The following ARHGAP15 variants were observed in gnomAD, a reference collection of about 807,000 sequenced individuals.
The protein encoded by ARHGAP15 is Rho GTPase activating protein 15, also known as rho GTPase-activating protein 15.
ARHGAP15 carries 51 observed loss-of-function variants against 63.7 expected under a neutral mutation model. That is an observed-to-expected ratio of 0.80 (90% CI 0.64 to 1.01). The LOEUF (loss-of-function observed/expected upper bound fraction) is 1.01. ARHGAP15 is among the 50% of genes least tolerant of loss of function. The probability of loss-of-function intolerance (pLI) is 0.00; values close to 1 mark genes in which losing one functional copy is unlikely to be tolerated. For missense variants in ARHGAP15, 560 were observed against 564.6 expected, an observed-to-expected ratio of 0.99 and a Z score of 0.08; for synonymous variants, 191 against 193.8, an observed-to-expected ratio of 0.99 and a Z score of 0.12.
intron 12 of ARHGAP15, among the ~76,000 whole-genome samples, chr2:143,655,881 G>A (rs530039797): frequency 6.6e-5 from 10 of 152,004 alleles, no homozygotes; most frequent in Admixed American, 2.6e-4. Context: ...CATTCGGTAC[G>A]TCCATTTTCC....
intron 8 of ARHGAP15, among the ~76,000 whole-genome samples, chr2:143,455,102 A>G (rs1690581749): frequency 6.6e-6 from 1 of 152,036 alleles, no homozygotes; most frequent in Admixed American, 6.6e-5. Context: ...TTAAGGAAGT[A>G]AAGGAATAAA....
intron 8 of ARHGAP15, among the ~76,000 whole-genome samples, chr2:143,451,209 C>T (rs1446225665): frequency 6.6e-6 from 1 of 151,852 alleles, no homozygotes; most frequent in Non-Finnish European, 1.5e-5. Flanking sequence ...TAGCAAAGTA[C>T]AAAATGTCAG....
chr2:143,397,316 ATGTGTGTGTGTG>A (rs71411383), intron 6 of ARHGAP15, among the ~76,000 whole-genome samples: 1 of 147,624 alleles, frequency 6.8e-6, no homozygotes, highest in Non-Finnish European at 1.5e-5. Context: ...TGAGATATGT[ATGTGTGTGTGTG>A]TGTGTGTGTG....
chr2:143,610,915 G>A (rs1284132199), intron 11 of ARHGAP15, among the ~76,000 whole-genome samples: 1 of 152,036 alleles, frequency 6.6e-6, no homozygotes, highest in East Asian at 1.9e-4. Flanking sequence ...TTTTAGTAGA[G>A]ACGGGGTTTT....
intron 11 of ARHGAP15, among the ~76,000 whole-genome samples, chr2:143,605,889 A>G (rs545097632): frequency 1.4e-5 from 2 of 146,032 alleles, no homozygotes; most frequent in South Asian, 2.2e-4. Context: ...AAAAAAAATT[A>G]GCCAGGCATA....
chr2:143,698,310 A>C lies in ARHGAP15; in HGVS notation c.1139-5109A>C, dbSNP rs562722970. 5.9e-5 allele frequency among the ~76,000 whole-genome samples: 9 copies of C among 152,288 alleles called. No individual in the cohort carries two copies. In the East Asian group the frequency reaches 1.7e-3, roughly 29 times the overall value. On this transcript the variant is annotated intron_variant, in intron 12 of 13. Transcript: ENST00000295095. ...CCATCATCATATACAGCTTTATCTTATCTCTTTTCTAAAAGGCATTGGGTT... is the reference window on the plus strand; with the variant it reads ...CCATCATCATATACAGCTTTATCTTCTCTCTTTTCTAAAAGGCATTGGGTT...
chr2:143,700,762 G>C (rs1393891382), intron 12 of ARHGAP15, among the ~76,000 whole-genome samples: 2 of 152,098 alleles, frequency 1.3e-5, no homozygotes, highest in East Asian at 3.9e-4. Flanking sequence ...TCAAACGGTT[G>C]GATAGAAAGC....
intron 6 of ARHGAP15, among the ~76,000 whole-genome samples, chr2:143,325,264 T>C (rs1467594065): frequency 6.6e-6 from 1 of 152,166 alleles, no homozygotes; most frequent in African/African-American, 2.4e-5. Flanking sequence ...AAATGAAGAA[T>C]AATCAGTTAC....
At chr2:143,686,344 A>C (rs978695092) in intron 12 of ARHGAP15, among the ~76,000 whole-genome samples, 1 of 128,618 alleles carries the variant, frequency 7.8e-6, no homozygotes, top group African/African-American at 2.9e-5. Context: ...AGATTGCACC[A>C]CTGCACTCCA....
intron 2 of ARHGAP15, among the ~76,000 whole-genome samples, chr2:143,199,179 G>C (rs1386853852): frequency 6.6e-6 from 1 of 152,062 alleles, no homozygotes; most frequent in African/African-American, 2.4e-5. Flanking sequence ...TGAATTTTGG[G>C]TTTCTACGAT....
chr2:143,309,546 A>C (rs1292329931), intron 6 of ARHGAP15, among the ~76,000 whole-genome samples: 1 of 152,118 alleles, frequency 6.6e-6, no homozygotes, highest in African/African-American at 2.4e-5. Context: ...TTAAGAATGA[A>C]TACTATTCCT....
At chr2:143,646,722 A>G (rs1267657377) in intron 12 of ARHGAP15, among the ~76,000 whole-genome samples, 2 of 152,040 alleles carry the variant, frequency 1.3e-5, no homozygotes, top group Admixed American at 6.6e-5. Context: ...TCATTTATCT[A>G]TGAGACCAGA....
intron 8 of ARHGAP15, among the ~76,000 whole-genome samples, chr2:143,472,839 G>A (rs1248342458): frequency 6.6e-6 from 1 of 152,124 alleles, no homozygotes; most frequent in Admixed American, 6.6e-5. Context: ...TTATGCAGAT[G>A]AGGAGACTGG....
chr2:143,351,634 G>A (rs111753867), intron 6 of ARHGAP15, among the ~76,000 whole-genome samples: 2 of 152,246 alleles, frequency 1.3e-5, no homozygotes, highest in Admixed American at 6.5e-5. Context: ...TATGGTAGTG[G>A]CCCGAATTTG....
intron 11 of ARHGAP15, among the ~76,000 whole-genome samples, chr2:143,560,449 A>G (rs1440285091): frequency 1.3e-5 from 2 of 152,198 alleles, no homozygotes; most frequent in Non-Finnish European, 2.9e-5. Context: ...ATAATGTCCT[A>G]ATGTCATACA....
chr2:143,587,774 T>A (rs781066111), intron 11 of ARHGAP15: 49 of 470,332 alleles, frequency 1.0e-4, no homozygotes, highest in Non-Finnish European at 1.9e-4. Context: ...CAGTGGTCAT[T>A]TGACCTCCAG....
chr2:143,386,838 T>C (rs1431096281), intron 6 of ARHGAP15, among the ~76,000 whole-genome samples: 1 of 138,946 alleles, frequency 7.2e-6, no homozygotes, highest in African/African-American at 2.5e-5. Flanking sequence ...GTTGGTTGTT[T>C]ATTTTTTTTT....
intron 2 of ARHGAP15, among the ~76,000 whole-genome samples, chr2:143,161,163 C>T (rs1358087985): frequency 1.3e-5 from 2 of 151,924 alleles, no homozygotes; most frequent in African/African-American, 4.8e-5. Flanking sequence ...GTTGTCGGCA[C>T]AAAGCATGTT....
chr2:143,318,159 T>C (rs1683812210), intron 6 of ARHGAP15, among the ~76,000 whole-genome samples: 2 of 151,818 alleles, frequency 1.3e-5, no homozygotes, highest in South Asian at 2.1e-4. Flanking sequence ...GCACCACACC[T>C]GGCTAATATT....
Sources: allele counts gnomAD v4.1 joint callset (sites outside exome capture counted in the v4.1 genomes callset), GRCh38; gene constraint gnomAD v4.1.1; transcripts MANE v1.5; gene names NCBI Gene and HGNC (gene_info 2026-07-23, HGNC 2026-07-21).